Variants in MCF2L observed in about 807,000 individuals in gnomAD.
The protein encoded by MCF2L is MCF.2 cell line derived transforming sequence like.
In MCF2L, 97 loss-of-function variants were observed where a neutral mutation model predicts 153.4. The observed-to-expected ratio is 0.63, with a 90% confidence interval of 0.54 to 0.75. MCF2L has a LOEUF of 0.75. Ranked by LOEUF, MCF2L falls within the 30% of genes least tolerant of loss-of-function variation. MCF2L has a pLI of 0.00. For missense variants in MCF2L, 1,347 were observed against 1,495.2 expected, an observed-to-expected ratio of 0.90 and a Z score of 1.64; for synonymous variants, 659 against 632.2, an observed-to-expected ratio of 1.04 and a Z score of -0.64.
Position 113,094,678 on chromosome 13 carries a change from C to CTAA in MCF2L, c.3075+44_3075+45insAAT, listed in dbSNP as rs778994404. ...GTGGGCACTTGGGGTGGGGGCTGCC[C>CTAA]TCCGGGGATTAGGGGTGCTTCTGGC... is the stretch of plus-strand genomic sequence containing the variant. On this transcript the variant is annotated intron_variant, in intron 27 of 29. Transcript: ENST00000535094. 95 of 1,586,798 alleles carry CTAA rather than the reference C, an allele frequency of 6.0e-5. 1 individual carries two copies. In the South Asian group the frequency reaches 1.1e-3, roughly 18 times the overall value.
chr13:113,058,701 G>A (rs563456673), intron 4 of MCF2L, among the ~76,000 whole-genome samples: 49 of 131,412 alleles, frequency 3.7e-4, no homozygotes, highest in Middle Eastern at 6.1e-3. Context: ...GCACTGAATG[G>A]GCGCTGTTTG....
chr13:112,901,683 G>GT, intron 1 of MCF2L, among the ~76,000 whole-genome samples: 1 of 152,354 alleles, frequency 6.6e-6, no homozygotes, highest in East Asian at 1.9e-4. Context: ...AAAACTTCGT[G>GT]TAAGTTTCTT....
chr13:113,088,552 C>A lies in MCF2L; in HGVS notation c.2768-10C>A. 1 of 1,611,334 alleles carries A rather than the reference C, an allele frequency of 6.2e-7. No homozygotes were observed. The highest frequency in any genetic ancestry group is 8.5e-7 in the Non-Finnish European group (1 of 1,179,706). ...CTCGTTCACGTGGTTTGTCTGCTCC[C>A]TCCTCGCAGAAGCCAGCCAGCACCG... is the stretch of plus-strand genomic sequence containing the variant. On this transcript the variant is annotated splice_polypyrimidine_tract_variant and intron_variant, in intron 24 of 29. Coordinates refer to ENST00000535094, the MANE Select transcript of MCF2L (RefSeq NM_001112732.3).
chr13:113,050,339 AT>A lies in MCF2L; in HGVS notation c.369+4981del, dbSNP rs570055929. On this transcript the variant is annotated intron_variant, in intron 4 of 29. Transcript: ENST00000535094. ...GTGTGTGCGTGTTCACATTTTGGGA[AT>A]TTGTAATAGAGTATATATATTCATG... Among the ~76,000 whole-genome samples the A allele has an allele frequency of 4.4e-3, 666 of 151,658 alleles. 7 individuals are homozygous for A. The highest frequency in any genetic ancestry group is 0.015 in the African/African-American group (609 of 41,322).
Position 113,096,641 on chromosome 13 carries a change from C to T in MCF2L, c.3280C>T (p.Leu1094=), listed in dbSNP as rs547009109. 1.0e-5 allele frequency: 16 copies of T among 1,589,108 alleles called. No homozygotes were observed. Among genetic ancestry groups the T allele is most frequent in the African/African-American group, 8.0e-5 (6 of 74,808 alleles). The change falls in exon 29 of 30, where the codon CTG becomes TTG. Residue 1094 remains leucine, a synonymous_variant. Coordinates refer to ENST00000535094, the MANE Select transcript of MCF2L (RefSeq NM_001112732.3). ...CGGCCCGTCCGGCTCGGCCCAGTGC[C>T]TGAGCAGCTCAGGTAAGGCCCACGT... ...RLGPSGSAQC[L]SSSESSPGSA...
At chr13:112,947,272 T>A (rs2081647318) in intron 2 of MCF2L, among the ~76,000 whole-genome samples, 1 of 152,168 alleles carries the variant, frequency 6.6e-6, no homozygotes, top group South Asian at 2.1e-4. Context: ...ACCATAGCAT[T>A]CCACCCCCAG....
chr13:113,000,978 C>T (rs536822963), intron 1 of MCF2L, among the ~76,000 whole-genome samples: 1 of 152,282 alleles, frequency 6.6e-6, no homozygotes, highest in Admixed American at 6.5e-5. Context: ...AGGAGATGTG[C>T]GTTGGTCCCC....
At chr13:112,921,879 A>G (rs1259319204) in intron 2 of MCF2L, among the ~76,000 whole-genome samples, 2 of 152,246 alleles carry the variant, frequency 1.3e-5, no homozygotes, top group Non-Finnish European at 2.9e-5. Context: ...CAGGAGGATT[A>G]TATCAATACT....
chr13:112,930,175 G>A (rs960980132), intron 2 of MCF2L, among the ~76,000 whole-genome samples: 2 of 152,186 alleles, frequency 1.3e-5, no homozygotes, highest in Non-Finnish European at 2.9e-5. Context: ...TTACCATACA[G>A]TCCAGTGATC....
At chr13:112,933,731 G>C (rs965866846) in intron 2 of MCF2L, among the ~76,000 whole-genome samples, 1 of 152,262 alleles carries the variant, frequency 6.6e-6, no homozygotes, top group Non-Finnish European at 1.5e-5. Context: ...TTTCATAGCA[G>C]AAATCATGAC....
At chr13:113,038,171 A>G (rs1269369504) in intron 3 of MCF2L, among the ~76,000 whole-genome samples, 1 of 152,222 alleles carries the variant, frequency 6.6e-6, no homozygotes, top group Non-Finnish European at 1.5e-5. Context: ...ATGTTATTGA[A>G]AGAAATTAAA....
rs921807600 is a variant in MCF2L, at chr13:112,960,944, C to T, written c.170-53819C>T. 3.3e-5 allele frequency among the ~76,000 whole-genome samples: 5 copies of T among 152,142 alleles called. No individual in the cohort carries two copies. Among genetic ancestry groups the T allele is most frequent in the East Asian group, 1.9e-4 (1 of 5,174 alleles). ...GGTTCTACCGTGAGTGACTGCAGGC[C>T]GTGCCGCAGCTCAAGTGGGGGCCCC... On this transcript the variant is annotated intron_variant, in intron 2 of 29. Coordinates refer to the MCF2L transcript ENST00000375608. This position sits in a 1 kb window ranked among gnomAD's most constrained non-coding sequence, Gnocchi z 4.2.
chr13:112,949,630 T>C (rs2081670831), intron 2 of MCF2L, among the ~76,000 whole-genome samples: 1 of 152,008 alleles, frequency 6.6e-6, no homozygotes, highest in South Asian at 2.1e-4. Flanking sequence ...AGAAAAATCA[T>C]ATAATCATGT....
At chr13:113,005,318 A>C (rs2083614927) in intron 1 of MCF2L, among the ~76,000 whole-genome samples, 1 of 152,198 alleles carries the variant, frequency 6.6e-6, no homozygotes, top group African/African-American at 2.4e-5. Flanking sequence ...AGACGCCGAC[A>C]AGCACGGTGG....
chr13:112,998,468 GGA>G, intron 1 of MCF2L, among the ~76,000 whole-genome samples: 1 of 152,310 alleles, frequency 6.6e-6, no homozygotes, highest in East Asian at 1.9e-4. Flanking sequence ...CAAGGAGGCT[GGA>G]GTGATTGGTT....
chr13:113,088,150 G>T (rs1227986045), intron 23 of MCF2L, among the ~76,000 whole-genome samples, 177 bp from the exon 24 acceptor site: 1 of 152,234 alleles, frequency 6.6e-6, no homozygotes. Flanking sequence ...CCGTGCATGG[G>T]GCACAGAGGG....
At chr13:112,950,883 C>T (rs939648963) in intron 2 of MCF2L, among the ~76,000 whole-genome samples, 5 of 152,234 alleles carry the variant, frequency 3.3e-5, no homozygotes, top group African/African-American at 7.2e-5. Flanking sequence ...ATGATAGATT[C>T]GACCTTACCA....
chr13:112,926,103 T>C (rs1332756160), intron 2 of MCF2L, among the ~76,000 whole-genome samples: 1 of 152,200 alleles, frequency 6.6e-6, no homozygotes, highest in Non-Finnish European at 1.5e-5. Context: ...CAGAACATGG[T>C]CCGTATCCAC....
At chr13:112,937,203 G>A (rs1408539468) in intron 2 of MCF2L, among the ~76,000 whole-genome samples, 2 of 152,046 alleles carry the variant, frequency 1.3e-5, no homozygotes, top group East Asian at 3.9e-4. Flanking sequence ...ATAGGCACCT[G>A]CCACCACGCC....
Sources: gnomAD v4.1 joint callset for allele counts (sites outside exome capture counted in the v4.1 genomes callset) on GRCh38, gnomAD v4.1.1 for gene constraint, Gnocchi (gnomAD v3.1) non-coding constraint, MANE v1.5 for transcripts, NCBI Gene and HGNC (gene_info 2026-07-23, HGNC 2026-07-21) for gene names.